The following CTNND2 variants were observed in gnomAD, a reference collection of about 807,000 sequenced individuals.
CTNND2 encodes the protein catenin delta-2.
CTNND2 carries 22 observed loss-of-function variants against 144.4 expected under a neutral mutation model. The ratio of observed to expected loss-of-function variants is 0.15; its 90% confidence interval spans 0.11 to 0.22. The LOEUF (loss-of-function observed/expected upper bound fraction) is 0.22. CTNND2 is among the 10% of genes least tolerant of loss of function. The pLI, the probability that CTNND2 is intolerant of heterozygous loss-of-function variation, is 1.00. For missense variants in CTNND2, 1,353 were observed against 1,618.8 expected (o/e 0.84, Z 2.82); for synonymous variants, 751 against 695.6 (o/e 1.08, Z -1.25).
chr5:11,495,054 A>C (rs1270288027), intron 3 of CTNND2, among the ~76,000 whole-genome samples: 1 of 152,120 alleles, frequency 6.6e-6, no homozygotes, highest in African/African-American at 2.4e-5. Context: ...CTTCCTAAGG[A>C]ATCAATTTGC....
chr5:11,108,228 A>G (rs1752612382), intron 14 of CTNND2, among the ~76,000 whole-genome samples: 1 of 152,208 alleles, frequency 6.6e-6, no homozygotes, highest in African/African-American at 2.4e-5. Flanking sequence ...CATGAACAGA[A>G]GCGTAGAGGC....
intron 1 of CTNND2, among the ~76,000 whole-genome samples, chr5:11,773,899 C>A (rs917705847): frequency 2.6e-5 from 4 of 151,266 alleles, no homozygotes; most frequent in African/African-American, 9.7e-5. Flanking sequence ...TAATAGAAGT[C>A]ATTAAATTCT....
chr5:11,213,818 CAT>C (rs60072994), intron 10 of CTNND2, among the ~76,000 whole-genome samples: 30,432 of 150,204 alleles, frequency 0.2, 3,134 homozygotes, highest in South Asian at 0.25. Flanking sequence ...TTTATATGCA[CAT>C]ATATATATAT....
At chr5:11,796,825 C>T (rs6887242) in intron 1 of CTNND2, among the ~76,000 whole-genome samples, 134,058 of 152,182 alleles carry the variant, frequency 0.88, 60,999 homozygotes, top group South Asian at 0.99. Flanking sequence ...AAATATATTG[C>T]TGCTAAAAAT....
At chr5:11,511,971 A>G (rs1771687381) in intron 3 of CTNND2, among the ~76,000 whole-genome samples, 1 of 152,184 alleles carries the variant, frequency 6.6e-6, no homozygotes, top group African/African-American at 2.4e-5. Context: ...ACTCTCATGA[A>G]CCAGATTTTC....
intron 2 of CTNND2, among the ~76,000 whole-genome samples, chr5:11,669,423 G>A (rs545578290): frequency 6.6e-6 from 1 of 152,168 alleles, no homozygotes; most frequent in African/African-American, 2.4e-5. Flanking sequence ...GCTATTAATT[G>A]CTGCCTCAAT....
At position 11,775,933 on chromosome 5, in the gene CTNND2, C is replaced by T. The variant is rs538300804; in HGVS notation, c.38-43661G>A. Among the ~76,000 whole-genome samples, 25 of 152,108 alleles carry T rather than the reference C, an allele frequency of 1.6e-4. No homozygotes were observed. In the South Asian group the frequency reaches 1.7e-3, roughly 10 times the overall value. Reference sequence around the variant, plus strand: ...GACACAGACGCACACACACAGAAGACGGCCATATGAAGGTGGAGGTAGAGG... The same window carrying T: ...GACACAGACGCACACACACAGAAGATGGCCATATGAAGGTGGAGGTAGAGG... On this transcript the variant is annotated intron_variant, in intron 1 of 21. Transcript: ENST00000304623.
chr5:11,315,130 T>C (rs927943444), intron 9 of CTNND2, among the ~76,000 whole-genome samples: 3 of 152,190 alleles, frequency 2.0e-5, no homozygotes, highest in African/African-American at 7.2e-5. Context: ...GAAACCCTAG[T>C]AGCAGAGGGT....
intron 2 of CTNND2, among the ~76,000 whole-genome samples, chr5:11,668,308 A>G (rs1292744205): frequency 6.6e-6 from 1 of 152,198 alleles, no homozygotes; most frequent in South Asian, 2.1e-4. Context: ...AAGAAAGTCA[A>G]TGGTAGCTTG....
At chr5:11,275,209 C>T (rs902462909) in intron 9 of CTNND2, among the ~76,000 whole-genome samples, 1 of 152,184 alleles carries the variant, frequency 6.6e-6, no homozygotes, top group Non-Finnish European at 1.5e-5. Flanking sequence ...AATGCCAGCA[C>T]TTTACAGATG....
intron 20 of CTNND2, among the ~76,000 whole-genome samples, chr5:10,986,220 T>C (rs531014716): frequency 1.3e-5 from 2 of 152,198 alleles, no homozygotes; most frequent in African/African-American, 4.8e-5. Flanking sequence ...ATCAGAAACA[T>C]AGTAAATTTT....
At chr5:11,486,913 C>G (rs1447654178) in intron 3 of CTNND2, among the ~76,000 whole-genome samples, 2 of 152,102 alleles carry the variant, frequency 1.3e-5, no homozygotes, top group African/African-American at 4.8e-5. Flanking sequence ...TAGTTTATAT[C>G]ACACATAGTT....
At chr5:11,456,069 G>A (rs1765708136) in intron 3 of CTNND2, among the ~76,000 whole-genome samples, 1 of 152,126 alleles carries the variant, frequency 6.6e-6, no homozygotes, top group African/African-American at 2.4e-5. Flanking sequence ...ATTAATATGT[G>A]CACTGCAGAG....
At chr5:11,586,217 T>C (rs113522427) in intron 2 of CTNND2, among the ~76,000 whole-genome samples, 232 of 152,312 alleles carry the variant, frequency 1.5e-3, no homozygotes, top group African/African-American at 5.5e-3. Context: ...CACATATAAA[T>C]GCATCATATA....
chr5:11,460,621 G>A (rs1303651535), intron 3 of CTNND2, among the ~76,000 whole-genome samples: 2 of 152,080 alleles, frequency 1.3e-5, no homozygotes, highest in Non-Finnish European at 2.9e-5. Context: ...ATTCTAGTCT[G>A]GGTGATCTCC....
intron 1 of CTNND2, among the ~76,000 whole-genome samples, chr5:11,849,264 G>A (rs1358747285): frequency 1.3e-5 from 2 of 152,070 alleles, no homozygotes; most frequent in Non-Finnish European, 2.9e-5. Context: ...GAACAGTATA[G>A]GGGAAACTGC....
chr5:11,061,803 G>C (rs965270283), intron 16 of CTNND2, among the ~76,000 whole-genome samples: 7 of 151,956 alleles, frequency 4.6e-5, no homozygotes, highest in African/African-American at 1.7e-4. Context: ...CCTCCTCCTG[G>C]ATTCAAGTGA....
At chr5:11,380,464 G>T (rs1190654940) in intron 7 of CTNND2, among the ~76,000 whole-genome samples, 1 of 152,178 alleles carries the variant, frequency 6.6e-6, no homozygotes, top group African/African-American at 2.4e-5. Context: ...TTTTATCAGG[G>T]AATAATTTTA....
chr5:10,977,450 G>A (rs1323925788), intron 21 of CTNND2, among the ~76,000 whole-genome samples: 2 of 151,902 alleles, frequency 1.3e-5, no homozygotes, highest in East Asian at 1.9e-4. Flanking sequence ...AGTATGCATA[G>A]TTAAGTCTTT....
Sources: allele counts gnomAD v4.1 joint callset (sites outside exome capture counted in the v4.1 genomes callset), GRCh38; gene constraint gnomAD v4.1.1; transcripts MANE v1.5; gene names NCBI Gene and HGNC (gene_info 2026-07-23, HGNC 2026-07-21).